ANKFY1: variants seen among roughly 807,000 people sequenced by gnomAD.
The protein encoded by ANKFY1 is ankyrin repeat and FYVE domain containing 1, also known as ankyrin repeat and FYVE domain-containing protein 1.
Under a neutral mutation model 128.3 loss-of-function variants are expected in ANKFY1, and 47 were observed. The observed-to-expected ratio is 0.37, with a 90% confidence interval of 0.29 to 0.47. The LOEUF (loss-of-function observed/expected upper bound fraction) is 0.47, where lower values mean the gene tolerates loss of function less well. ANKFY1 is among the 20% of genes least tolerant of loss of function. ANKFY1 has a pLI of 1.00. For missense variants in ANKFY1, 1,222 were observed against 1,510.6 expected (o/e 0.81, Z 3.17); for synonymous variants, 553 against 601.6 (o/e 0.92, Z 1.18).
intron 19 of ANKFY1, among the ~76,000 whole-genome samples, chr17:4,175,919 T>A (rs1183008215): frequency 6.6e-6 from 1 of 152,124 alleles, no homozygotes; most frequent in Non-Finnish European, 1.5e-5. Context: ...GGCGATCCTA[T>A]CATCTGTCAT....
intron 7 of ANKFY1, among the ~76,000 whole-genome samples, chr17:4,199,589 G>T (rs937485916): frequency 6.6e-6 from 1 of 152,166 alleles, no homozygotes; most frequent in African/African-American, 2.4e-5. Flanking sequence ...AAAAGGCCAA[G>T]AATTAAGATG....
In ANKFY1 at chr17:4,169,185, G is replaced by A. The variant is rs752977590; in HGVS notation, c.3377+13C>T. 3.9e-6 allele frequency: 6 copies of A among 1,548,396 alleles called. No individual in the cohort carries two copies. The highest frequency in any genetic ancestry group is 4.4e-6 in the Non-Finnish European group (5 of 1,144,214). On this transcript the variant is annotated intron_variant, in intron 24 of 24. Coordinates refer to ENST00000341657, the MANE Select transcript of ANKFY1 (RefSeq NM_001330063.2). This position sits in a 1 kb window ranked among gnomAD's most constrained non-coding sequence, Gnocchi z 5.0. ...AGTCCCCTCGCTCCTTGCCAGTGACGCTGGGGTCTTACCAGTGGTGTTTGC... is the reference window on the plus strand; with the variant it reads ...AGTCCCCTCGCTCCTTGCCAGTGACACTGGGGTCTTACCAGTGGTGTTTGC...
At chr17:4,263,833 C>A in intron 1 of ANKFY1, 99 bp downstream of exon 1, 3 of 1,610,766 alleles carry the variant, frequency 1.9e-6, no homozygotes, top group Admixed American at 1.7e-5. Flanking sequence ...AGCCCCCATG[C>A]AACCACGCCC....
intron 1 of ANKFY1, chr17:4,263,705 C>G (rs752567614): frequency 2.0e-6 from 3 of 1,499,146 alleles, no homozygotes; most frequent in East Asian, 5.1e-5. Context: ...GCTCCGCAGC[C>G]GGCCGCAGTC....
At chr17:4,225,457 C>CT (rs894347942) in intron 3 of ANKFY1, among the ~76,000 whole-genome samples, 4 of 152,004 alleles carry the variant, frequency 2.6e-5, no homozygotes, top group Non-Finnish European at 5.9e-5. Context: ...AGGATGTATC[C>CT]TTAAATATAA....
intron 17 of ANKFY1, chr17:4,179,261 G>A (rs2059465098): frequency 1.6e-6 from 1 of 615,832 alleles, no homozygotes; most frequent in Non-Finnish European, 2.8e-6. Context: ...ACCCAGTGGT[G>A]ACCGTAGGAC....
chr17:4,230,724 A>G (rs1281621325), intron 3 of ANKFY1, among the ~76,000 whole-genome samples: 1 of 152,226 alleles, frequency 6.6e-6, no homozygotes, highest in Non-Finnish European at 1.5e-5. Context: ...AAATGGTTAT[A>G]AGCTAATTAA....
chr17:4,258,572 T>C lies in ANKFY1; in HGVS notation c.10+5360A>G, dbSNP rs944406546. ...ACAGCAAAGTTCCTTCTTTCCTTAT[T>C]TCTACCAGCCTCCACTAATGAAGCA... is the stretch of plus-strand genomic sequence containing the variant. On this transcript the variant is annotated intron_variant, in intron 1 of 24. Coordinates refer to ENST00000341657, the MANE Select transcript of ANKFY1 (RefSeq NM_001330063.2). Among the ~76,000 whole-genome samples, 46 of 151,926 alleles carry C rather than the reference T, an allele frequency of 3.0e-4. 1 individual carries two copies. Among genetic ancestry groups the C allele is most frequent in the Admixed American group, 2.6e-4 (4 of 15,242 alleles).
chr17:4,182,857 G>A lies in ANKFY1; in HGVS notation c.1953-508C>T, dbSNP rs149034911. On this transcript the variant is annotated intron_variant, in intron 14 of 24. Transcript: ENST00000341657. ...GCAGTGGCTCATGACTGTAATCCCA[G>A]CACTTTGGGAGGCCGAGGCAGGCAG... 2.9e-3 allele frequency among the ~76,000 whole-genome samples: 435 copies of A among 152,190 alleles called. 2 individuals carry two copies. The highest frequency in any genetic ancestry group is 0.01 in the African/African-American group (417 of 41,518).
At chr17:4,246,611 T>TC (rs1967555405) in intron 1 of ANKFY1, among the ~76,000 whole-genome samples, 1 of 152,148 alleles carries the variant, frequency 6.6e-6, no homozygotes, top group Non-Finnish European at 1.5e-5. Flanking sequence ...AACCTTTTCT[T>TC]CCATAAGCAA....
intron 4 of ANKFY1, among the ~76,000 whole-genome samples, chr17:4,212,605 A>G (rs528440203): frequency 1.4e-4 from 21 of 152,288 alleles, no homozygotes; most frequent in Non-Finnish European, 1.5e-4. Flanking sequence ...TTAATAATCC[A>G]CATTAGTGGA....
chr17:4,239,112 C>T (rs1299546195), intron 2 of ANKFY1, among the ~76,000 whole-genome samples: 1 of 152,174 alleles, frequency 6.6e-6, no homozygotes, highest in African/African-American at 2.4e-5. Context: ...AAGATCATAC[C>T]ATAACTAGCT....
chr17:4,189,063 C>A (rs1188175529), intron 11 of ANKFY1, among the ~76,000 whole-genome samples: 1 of 152,158 alleles, frequency 6.6e-6, no homozygotes, highest in Non-Finnish European at 1.5e-5. Flanking sequence ...TATCAAGAAT[C>A]AAATGCTATC....
rs1307454863 is a variant in ANKFY1, at chr17:4,177,203, T to C, written c.2698A>G (p.Arg900Gly). Residue 900 changes from arginine to glycine, a missense_variant, in exon 19 of 25, where the codon AGA (arginine) becomes GGA (glycine). Coordinates refer to ENST00000341657, the MANE Select transcript of ANKFY1 (RefSeq NM_001330063.2). ...LISVHANVNS[R>G]VQDASKLTPL... ...GTCAACTTGGAGGCATCCTGGACTCTTGAATTCACATTAGCGTGGACACTG... is the reference window on the plus strand; with the variant it reads ...GTCAACTTGGAGGCATCCTGGACTCCTGAATTCACATTAGCGTGGACACTG... 3.7e-6 allele frequency: 6 copies of C among 1,609,530 alleles called. No homozygotes were observed. The highest frequency in any genetic ancestry group is 2.7e-5 in the African/African-American group (2 of 74,884).
intron 1 of ANKFY1, among the ~76,000 whole-genome samples, chr17:4,262,073 C>A (rs1046934533): frequency 6.6e-6 from 1 of 152,210 alleles, no homozygotes; most frequent in African/African-American, 2.4e-5. Flanking sequence ...TACCTGCAAC[C>A]CCAGCACTTA....
intron 22 of ANKFY1, among the ~76,000 whole-genome samples, chr17:4,171,730 A>G (rs191260395): frequency 6.6e-6 from 1 of 152,156 alleles, no homozygotes; most frequent in Admixed American, 6.5e-5. Context: ...AGCTTAAAAA[A>G]CAGTGCGCAC....
In ANKFY1 at chr17:4,179,906, C is replaced by T. The variant is rs201894249; in HGVS notation, c.2241-29G>A. Reference sequence around the variant, plus strand: ...AAAGGAATGGGGACATTTTAAAAAACGCCACGCTTGGACCTGGCGTATAGG... The same window carrying T: ...AAAGGAATGGGGACATTTTAAAAAATGCCACGCTTGGACCTGGCGTATAGG... On this transcript the variant is annotated intron_variant, in intron 16 of 24. Coordinates refer to ENST00000341657, the MANE Select transcript of ANKFY1 (RefSeq NM_001330063.2). 8.6e-5 allele frequency: 138 copies of T among 1,613,042 alleles called. 2 individuals carry two copies. The African/African-American group carries it at 1.2e-3, about 14-fold the overall frequency.
chr17:4,249,931 T>C (rs1158285803), intron 1 of ANKFY1, among the ~76,000 whole-genome samples: 1 of 152,214 alleles, frequency 6.6e-6, no homozygotes, highest in East Asian at 1.9e-4. Context: ...ATAGTCACAA[T>C]GATCAAATCA....
rs2059506343 is a variant in ANKFY1, at chr17:4,181,031, G to A, written c.2240+223C>T. ...CTCCCAAAGCAGGACGCTGACTCCA[G>A]CTTTCAGATTCTTTGATTCAGGGCT... On this transcript the variant is annotated intron_variant, in intron 16 of 24. Transcript: ENST00000341657. The surrounding 1 kb of genome is among the most constrained non-coding windows in gnomAD (Gnocchi z 4.9). 1 of 506,462 alleles carries A rather than the reference G, an allele frequency of 2.0e-6. No individual in the cohort carries two copies. The highest frequency in any genetic ancestry group is 3.6e-6 in the Non-Finnish European group (1 of 278,444). The allele number at this position is 506,462 out of a possible 1,614,324, so 31.4% of individuals were successfully genotyped here.
Sources: allele counts gnomAD v4.1 joint callset (sites outside exome capture counted in the v4.1 genomes callset), GRCh38; gene constraint gnomAD v4.1.1; non-coding constraint Gnocchi (gnomAD v3.1); transcripts MANE v1.5; gene names NCBI Gene and HGNC (gene_info 2026-07-23, HGNC 2026-07-21).